The following TSHZ2 variants were observed in gnomAD, a reference collection of about 807,000 sequenced individuals.
TSHZ2 encodes teashirt homolog 2.
TSHZ2 carries 21 observed loss-of-function variants against 74.4 expected under a neutral mutation model. The ratio of observed to expected loss-of-function variants is 0.28; its 90% CI spans 0.20 to 0.41. TSHZ2 has a LOEUF of 0.41. Among genes scored for constraint, TSHZ2 ranks in the 10% least tolerant of loss-of-function variants. The pLI is 1.00. For missense variants in TSHZ2, 1,244 were observed against 1,293.5 expected (o/e 0.96, Z 0.59); for synonymous variants, 540 against 515.3 (o/e 1.05, Z -0.65).
chr20:53,136,203 C>G (rs1987241490), intron 1 of TSHZ2, among the ~76,000 whole-genome samples: 1 of 152,168 alleles, frequency 6.6e-6, no homozygotes, highest in Non-Finnish European at 1.5e-5. Context: ...GTTGCACTCC[C>G]ATGTTAACCC....
At chr20:53,243,087 G>A (rs1990110328) in intron 1 of TSHZ2, among the ~76,000 whole-genome samples, 1 of 152,112 alleles carries the variant, frequency 6.6e-6, no homozygotes. Flanking sequence ...AGGGTACAGT[G>A]ATCAGAGATG....
At chr20:53,032,266 G>T (rs1983667925) in intron 1 of TSHZ2, among the ~76,000 whole-genome samples, 1 of 152,202 alleles carries the variant, frequency 6.6e-6, no homozygotes, top group South Asian at 2.1e-4. Flanking sequence ...TAGCTGACGA[G>T]TTCTATAGCC....
chr20:53,050,118 T>TACACAC (rs748933715), intron 1 of TSHZ2, among the ~76,000 whole-genome samples: 94 of 96,918 alleles, frequency 9.7e-4, no homozygotes, highest in South Asian at 1.8e-3. Context: ...TATATATATA[T>TACACAC]ATATATACAC....
chr20:53,388,051 C>CAA (rs370885996), intron 2 of TSHZ2, among the ~76,000 whole-genome samples: 70 of 99,952 alleles, frequency 7.0e-4, no homozygotes, highest in African/African-American at 1.0e-3. Context: ...TCCATCTCTA[C>CAA]AAAAAAAAAA....
chr20:53,145,774 G>A (rs868649134), intron 1 of TSHZ2, among the ~76,000 whole-genome samples: 5 of 152,188 alleles, frequency 3.3e-5, no homozygotes, highest in African/African-American at 1.2e-4. Flanking sequence ...AGAAGCACAG[G>A]TAATCCCAGA....
intron 1 of TSHZ2, among the ~76,000 whole-genome samples, chr20:53,193,688 AC>A (rs1179535983): frequency 6.6e-6 from 1 of 152,226 alleles, no homozygotes; most frequent in Non-Finnish European, 1.5e-5. Flanking sequence ...GGAATGGTCT[AC>A]AGCCTGGCAG....
chr20:53,062,884 T>C (rs1984865729), intron 1 of TSHZ2, among the ~76,000 whole-genome samples: 2 of 152,222 alleles, frequency 1.3e-5, no homozygotes, highest in South Asian at 4.1e-4. Context: ...TTCTAGCCTT[T>C]AATTTAAAGT....
intron 1 of TSHZ2, among the ~76,000 whole-genome samples, chr20:53,115,234 G>A (rs534837901): frequency 2.0e-5 from 3 of 152,324 alleles, no homozygotes; most frequent in South Asian, 2.1e-4. Flanking sequence ...GTACTATTTG[G>A]TAGCAATATG....
intron 1 of TSHZ2, among the ~76,000 whole-genome samples, chr20:53,031,348 G>A (rs568518516): frequency 1.1e-3 from 172 of 152,226 alleles, no homozygotes; most frequent in Middle Eastern, 6.8e-3. Context: ...ACAAATTATA[G>A]GAGGCCTCCT....
At chr20:53,432,805 T>G (rs1384788057) in intron 2 of TSHZ2, among the ~76,000 whole-genome samples, 1 of 152,242 alleles carries the variant, frequency 6.6e-6, no homozygotes, top group Non-Finnish European at 1.5e-5. Flanking sequence ...TTAGGAATGC[T>G]TTAGGCTGCA....
At chr20:52,989,824 T>C (rs1056373573) in intron 1 of TSHZ2, among the ~76,000 whole-genome samples, 5 of 152,140 alleles carry the variant, frequency 3.3e-5, no homozygotes, top group African/African-American at 9.6e-5. Flanking sequence ...TAAAAGATTG[T>C]GTAAATAGTT....
At chr20:53,446,047 T>C (rs552513558) in intron 2 of TSHZ2, among the ~76,000 whole-genome samples, 120 of 152,196 alleles carry the variant, frequency 7.9e-4, no homozygotes, top group African/African-American at 2.8e-3. Flanking sequence ...CTTTACCCGC[T>C]CTGTATTCAT....
intron 1 of TSHZ2, among the ~76,000 whole-genome samples, chr20:52,996,456 GA>G (rs926101379): frequency 6.6e-6 from 1 of 151,876 alleles, no homozygotes; most frequent in Non-Finnish European, 1.5e-5. Flanking sequence ...TGAACAGGAG[GA>G]AAAAAATGAC....
chr20:53,187,298 G>A (rs1027616986), intron 1 of TSHZ2, among the ~76,000 whole-genome samples: 5 of 152,136 alleles, frequency 3.3e-5, no homozygotes, highest in Non-Finnish European at 5.9e-5. Flanking sequence ...TCTTACTTCT[G>A]AGCAGGTATC....
intron 1 of TSHZ2, among the ~76,000 whole-genome samples, chr20:53,035,476 CAAG>C (rs1983784083): frequency 6.6e-6 from 1 of 152,046 alleles, no homozygotes; most frequent in African/African-American, 2.4e-5. Context: ...TATAAAAACT[CAAG>C]AGGAAATTAA....
In TSHZ2 at chr20:53,080,913, G is replaced by A. The variant is rs548064594; in HGVS notation, c.40+107580G>A. ...ACACCAGTTTAATTGAGGCAGCCAC[G>A]GAGATCAAGGCAAAAATAACACTTC... is the stretch of plus-strand genomic sequence containing the variant. On this transcript the variant is annotated intron_variant, in intron 1 of 2. Coordinates refer to ENST00000371497, the MANE Select transcript of TSHZ2 (RefSeq NM_173485.6). 3.2e-4 allele frequency among the ~76,000 whole-genome samples: 49 copies of A among 152,284 alleles called. 2 individuals are homozygous for A. Among genetic ancestry groups the A allele is most frequent in the Admixed American group, 2.6e-3 (40 of 15,302 alleles).
chr20:53,399,602 A>T (rs1982577878), intron 2 of TSHZ2: 1 of 152,214 alleles, frequency 6.6e-6, no homozygotes, highest in Non-Finnish European at 1.5e-5. Context: ...CTCTGGCAGG[A>T]GACGCAGAGG....
chr20:52,998,239 G>A (rs967286524), intron 1 of TSHZ2, among the ~76,000 whole-genome samples: 8 of 152,118 alleles, frequency 5.3e-5, no homozygotes, highest in African/African-American at 1.9e-4. Flanking sequence ...CGTGATCTTG[G>A]CTCACTGCAG....
intron 2 of TSHZ2, among the ~76,000 whole-genome samples, chr20:53,362,680 C>T (rs1981113766): frequency 6.6e-6 from 1 of 152,080 alleles, no homozygotes; most frequent in Admixed American, 6.5e-5. Flanking sequence ...CTGTCACATT[C>T]AGTGTTTCTA....
Sources: allele counts gnomAD v4.1 joint callset (sites outside exome capture counted in the v4.1 genomes callset), GRCh38; gene constraint gnomAD v4.1.1; transcripts MANE v1.5; gene names NCBI Gene and HGNC (gene_info 2026-07-23, HGNC 2026-07-21).